Variants in SCARB2 observed in about 807,000 individuals in gnomAD.
The protein encoded by SCARB2 is scavenger receptor class B member 2.
SCARB2 carries 29 observed loss-of-function variants against 58.6 expected under a neutral mutation model. The observed-to-expected ratio is 0.49, with a 90% confidence interval of 0.37 to 0.67. The LOEUF is 0.67. Among genes scored for constraint, SCARB2 ranks in the 30% least tolerant of loss-of-function variants. The probability of loss-of-function intolerance (pLI) is 0.00; values close to 1 mark genes in which losing one functional copy is unlikely to be tolerated. For missense variants in SCARB2, 488 were observed against 578.5 expected, an observed-to-expected ratio of 0.84 and a Z score of 1.60; for synonymous variants, 195 against 210.1, an observed-to-expected ratio of 0.93 and a Z score of 0.62.
intron 1 of SCARB2, among the ~76,000 whole-genome samples, chr4:76,207,374 AG>A (rs1398440224): frequency 6.6e-6 from 1 of 152,196 alleles, no homozygotes; most frequent in Non-Finnish European, 1.5e-5. Flanking sequence ...TAAGAATATG[AG>A]GGGCCCAGGA....
At chr4:76,166,443 G>T in intron 9 of SCARB2, 142 bp from the exon 10 acceptor site, 1 of 840,690 alleles carries the variant, frequency 1.2e-6, no homozygotes. Context: ...AGTTATCTTT[G>T]CAAACATGTA....
chr4:76,187,653 C>T (rs1422682068), intron 2 of SCARB2, among the ~76,000 whole-genome samples: 1 of 151,920 alleles, frequency 6.6e-6, no homozygotes, highest in Non-Finnish European at 1.5e-5. Context: ...GTATGATAAC[C>T]ATCTAAAACT....
intron 2 of SCARB2, among the ~76,000 whole-genome samples, chr4:76,189,684 T>C (rs111365949): frequency 0.028 from 4,253 of 152,048 alleles, 154 homozygotes; most frequent in African/African-American, 0.088. Flanking sequence ...GTTGGCCACA[T>C]TGGTCTTAAA....
At chr4:76,165,300 G>C (rs1424807294) in intron 10 of SCARB2, 2 of 152,116 alleles carry the variant, frequency 1.3e-5, no homozygotes, top group Non-Finnish European at 2.9e-5. Context: ...TTAAAAGTTT[G>C]TAAATGTGAA....
intron 11 of SCARB2, chr4:76,162,396 A>G (rs1731917325): frequency 1.3e-5 from 2 of 151,712 alleles, no homozygotes; most frequent in Non-Finnish European, 2.9e-5. Context: ...AGGAAACTGG[A>G]GGAAAAAAGG....
chr4:76,175,019 G>C (rs931903334), intron 6 of SCARB2: 2 of 152,838 alleles, frequency 1.3e-5, no homozygotes, highest in Admixed American at 6.5e-5. Flanking sequence ...GAGCCTTCTG[G>C]GCCTCACTTT....
At chr4:76,234,527 TA>T (rs1457979073) in exon 1 of SCARB2, 6 of 152,170 alleles carry the variant, frequency 3.9e-5, no homozygotes, top group South Asian at 2.1e-4. Flanking sequence ...GTTGGAATCC[TA>T]GGTTCCACAC....
intron 1 of SCARB2, among the ~76,000 whole-genome samples, chr4:76,225,020 C>T (rs1032119121): frequency 6.6e-6 from 1 of 152,148 alleles, no homozygotes; most frequent in Admixed American, 6.5e-5. Flanking sequence ...TTAGCTCCCA[C>T]TTGTGAGAAG....
intron 10 of SCARB2, chr4:76,165,237 A>AT (rs1215468148): frequency 6.6e-6 from 1 of 152,166 alleles, no homozygotes; most frequent in Non-Finnish European, 1.5e-5. Flanking sequence ...TATTGCTTGA[A>AT]TTTTTCCTAT....
chr4:76,182,995 GGACT>G (rs1226544608), intron 2 of SCARB2, among the ~76,000 whole-genome samples: 1 of 152,084 alleles, frequency 6.6e-6, no homozygotes, highest in Non-Finnish European at 1.5e-5. Flanking sequence ...CATAAGTCAA[GGACT>G]GTCTGTATAT....
At chr4:76,184,108 A>T (rs1732439749) in intron 2 of SCARB2, among the ~76,000 whole-genome samples, 1 of 152,142 alleles carries the variant, frequency 6.6e-6, no homozygotes, top group African/African-American at 2.4e-5. Context: ...TATTTTATTT[A>T]ATCCTTACAA....
chr4:76,231,707 G>T (rs915033448), intron 1 of SCARB2, among the ~76,000 whole-genome samples: 1 of 152,214 alleles, frequency 6.6e-6, no homozygotes, highest in Non-Finnish European at 1.5e-5. Context: ...ACCTTTTAAA[G>T]CTGAGCCCAG....
chr4:76,161,498 C>T lies in SCARB2; in HGVS notation c.*215G>A. Reference sequence around the variant, plus strand: ...AATACTTGCTAGACACATAAAAGAACAATTTCAGAGCCCACATGATTTTAT... The same window carrying T: ...AATACTTGCTAGACACATAAAAGAATAATTTCAGAGCCCACATGATTTTAT... On this transcript the variant is annotated 3_prime_UTR_variant, in exon 12 of 12. Coordinates refer to ENST00000264896, the MANE Select transcript of SCARB2 (RefSeq NM_005506.4). 1.7e-6 allele frequency: 1 copy of T among 600,178 alleles called. No individual in the cohort carries two copies. The highest frequency in any genetic ancestry group is 3.0e-6 in the Non-Finnish European group (1 of 336,390). 37.2% of individuals were successfully genotyped at this position (600,178 alleles called of 1,614,324 possible).
At chr4:76,169,829 A>G (rs1000393486) in intron 8 of SCARB2, 38 bp downstream of exon 8, 1 of 1,477,710 alleles carries the variant, frequency 6.8e-7, no homozygotes, top group Non-Finnish European at 9.5e-7. Flanking sequence ...GACAGAATAA[A>G]ACATATGCTC....
intron 4 of SCARB2, among the ~76,000 whole-genome samples, chr4:76,178,695 A>T (rs888184211): frequency 5.3e-5 from 8 of 152,326 alleles, no homozygotes; most frequent in Non-Finnish European, 1.0e-4. Flanking sequence ...CTCCCGAATG[A>T]TGCATTCAGA....
chr4:76,229,208 G>A (rs1321858217), intron 1 of SCARB2, among the ~76,000 whole-genome samples: 3 of 151,982 alleles, frequency 2.0e-5, no homozygotes, highest in Admixed American at 2.0e-4. Flanking sequence ...TTTTCTTTAT[G>A]ATGTCTGTTT....
chr4:76,222,296 A>G lies in SCARB2; in HGVS notation c.-358+12007T>C, dbSNP rs573130243. Among the ~76,000 whole-genome samples the G allele has an allele frequency of 4.1e-4, 61 of 149,754 alleles. 3 individuals are homozygous for G. The South Asian group carries it at 0.013, about 31-fold the overall frequency. The stretch of plus-strand genomic sequence containing the variant: ...GGCTGGAGTGCAGTGGTGTGATCTC[A>G]GCTCACTGCAACCTTGGCCTTCTGG... On this transcript the variant is annotated intron_variant, in intron 1 of 11. Transcript: ENST00000638295.
chr4:76,169,789 G>T, intron 8 of SCARB2, 78 bp downstream of exon 8: 2 of 1,162,952 alleles, frequency 1.7e-6, no homozygotes, highest in East Asian at 2.3e-5. Context: ...TTTAAAGAAG[G>T]CTCAGGACTA....
In SCARB2 at chr4:76,179,550, G is replaced by A. The variant is rs148029250; in HGVS notation, c.579C>T (p.Pro193=). Residue 193 remains proline, a synonymous_variant, in exon 4 of 12, where the codon CCC becomes CCT. Coordinates refer to ENST00000264896, the MANE Select transcript of SCARB2 (RefSeq NM_005506.4). ...EILSLIHVFR[P]DISPYFGLFY... ...ATAGGCCAAAATAGGGAGAGATATC[G>A]GGCCTGAAAACATGGATAAGGGACA... 3.2e-5 allele frequency: 52 copies of A among 1,614,096 alleles called. 1 individual carries two copies. Among genetic ancestry groups the A allele is most frequent in the African/African-American group, 9.3e-5 (7 of 75,040 alleles).
Sources: allele counts gnomAD v4.1 joint callset (sites outside exome capture counted in the v4.1 genomes callset), GRCh38; gene constraint gnomAD v4.1.1; transcripts MANE v1.5; gene names NCBI Gene and HGNC (gene_info 2026-07-23, HGNC 2026-07-21).